Variants in ANKFN1 observed in about 807,000 individuals in gnomAD.
The protein encoded by ANKFN1 is ankyrin repeat and fibronectin type III domain containing 1, also known as ankyrin repeat and fibronectin type-III domain-containing protein 1.
ANKFN1 carries 74 observed loss-of-function variants against 108.7 expected under a neutral mutation model. That is an observed-to-expected ratio of 0.68 (90% CI 0.56 to 0.83). ANKFN1 has a LOEUF of 0.83. Among genes scored for constraint, ANKFN1 ranks in the 40% least tolerant of loss-of-function variants. The pLI is 0.00. For missense variants in ANKFN1, 1,505 were observed against 1,382.3 expected, an observed-to-expected ratio of 1.09 and a Z score of -1.41; for synonymous variants, 547 against 516.2, an observed-to-expected ratio of 1.06 and a Z score of -0.81.
At chr17:56,269,421 C>G (rs2043735452) in intron 3 of ANKFN1, among the ~76,000 whole-genome samples, 1 of 152,190 alleles carries the variant, frequency 6.6e-6, no homozygotes, top group South Asian at 2.1e-4. Context: ...GAGGAGTTGT[C>G]ACCCATTTTA....
chr17:56,326,236 C>T lies in ANKFN1; in HGVS notation c.69C>T (p.Phe23=), dbSNP rs146308617. 62 of 1,612,372 alleles carry T rather than the reference C, an allele frequency of 3.8e-5. No individual in the cohort carries two copies. Among genetic ancestry groups the T allele is most frequent in the African/African-American group, 5.3e-5 (4 of 74,822 alleles). ...CTTTACACAGAATAGGAAGGAGATTCGCTTGCTTTGCACAGAGGCTGAGCC... is the reference window on the plus strand; with the variant it reads ...CTTTACACAGAATAGGAAGGAGATTTGCTTGCTTTGCACAGAGGCTGAGCC... ...FTCSKIIGRR[F]ACFAQRLSHR... Residue 23 remains phenylalanine (F), a synonymous_variant, in exon 4 of 21, where the codon TTC becomes TTT. Coordinates refer to ENST00000682825, the MANE Select transcript of ANKFN1 (RefSeq NM_001370326.1).
At chr17:56,406,811 G>A (rs1489859996) in intron 8 of ANKFN1, among the ~76,000 whole-genome samples, 2 of 152,126 alleles carry the variant, frequency 1.3e-5, no homozygotes, top group African/African-American at 4.8e-5. Flanking sequence ...CATTTCAGAG[G>A]TAATTTCATG....
intron 8 of ANKFN1, among the ~76,000 whole-genome samples, chr17:56,418,834 G>A (rs1332940998): frequency 6.6e-6 from 1 of 151,770 alleles, no homozygotes; most frequent in African/African-American, 2.4e-5. Context: ...AAACCACAGA[G>A]AGTCCGAAGC....
At chr17:56,303,405 A>G (rs995900636) in intron 3 of ANKFN1, among the ~76,000 whole-genome samples, 61 of 152,232 alleles carry the variant, frequency 4.0e-4, no homozygotes, top group African/African-American at 1.3e-3. Flanking sequence ...TGGAGTAAAT[A>G]GTATGTACAA....
intron 15 of ANKFN1, among the ~76,000 whole-genome samples, chr17:56,467,840 AAGAAAG>A (rs1346284997): frequency 6.6e-5 from 2 of 30,378 alleles, no homozygotes; most frequent in Non-Finnish European, 1.3e-4. Context: ...GAAAGAAAGA[AAGAAAG>A]AAAGAAAAAG....
chr17:56,209,593 G>A (rs1396184533), intron 1 of ANKFN1, among the ~76,000 whole-genome samples: 1 of 152,178 alleles, frequency 6.6e-6, no homozygotes, highest in Non-Finnish European at 1.5e-5. Context: ...TCCTAAATCA[G>A]AGGTCATAAC....
intron 1 of ANKFN1, among the ~76,000 whole-genome samples, chr17:56,194,379 G>A (rs75684090): frequency 0.019 from 2,946 of 152,218 alleles, 93 homozygotes; most frequent in African/African-American, 0.068. Context: ...CCTTTAGTTT[G>A]TGAGTGGAAA....
In ANKFN1 at chr17:56,457,390, G is replaced by T. The variant is rs1219848397; in HGVS notation, c.1440+1G>T. ...ACAAGATTTTCTGTGGTTCACGAAG[G>T]TATACTAAGTTCTGATTTCATTTTT... On this transcript the variant is annotated splice_donor_variant, in intron 13 of 20. Coordinates refer to ENST00000682825, the MANE Select transcript of ANKFN1 (RefSeq NM_001370326.1). LOFTEE classifies it high-confidence loss of function. The T allele has an allele frequency of 1.9e-6, 3 of 1,581,512 alleles. No homozygotes were observed. The highest frequency in any genetic ancestry group is 8.5e-7 in the Non-Finnish European group (1 of 1,170,998).
intron 19 of ANKFN1, among the ~76,000 whole-genome samples, chr17:56,496,185 T>C (rs1406742152): frequency 6.6e-6 from 1 of 152,006 alleles, no homozygotes; most frequent in Non-Finnish European, 1.5e-5. Flanking sequence ...GGTTTTTAAG[T>C]TTTTTCTTCA....
chr17:56,320,261 T>C (rs1479495076), intron 3 of ANKFN1, among the ~76,000 whole-genome samples: 1 of 152,224 alleles, frequency 6.6e-6, no homozygotes, highest in African/African-American at 2.4e-5. Context: ...TCTGGTGAAC[T>C]CTTCCACATG....
intron 4 of ANKFN1, among the ~76,000 whole-genome samples, chr17:56,134,842 A>G (rs1189570261): frequency 6.6e-6 from 1 of 152,204 alleles, no homozygotes; most frequent in East Asian, 1.9e-4. Flanking sequence ...CCTCCATCTC[A>G]ATCAACTATT....
intron 4 of ANKFN1, among the ~76,000 whole-genome samples, chr17:56,046,527 C>T (rs1212549725): frequency 6.6e-6 from 1 of 151,888 alleles, no homozygotes; most frequent in Admixed American, 6.6e-5. Flanking sequence ...AAAAAAAAAT[C>T]AGCAGGTGGG....
At chr17:56,137,193 A>G (rs944142994) in intron 4 of ANKFN1, among the ~76,000 whole-genome samples, 2 of 152,208 alleles carry the variant, frequency 1.3e-5, no homozygotes, top group Non-Finnish European at 2.9e-5. Flanking sequence ...AGTGAAAATC[A>G]TAGGGGATTG....
At chr17:56,287,832 G>A (rs2044257040) in intron 3 of ANKFN1, among the ~76,000 whole-genome samples, 1 of 152,180 alleles carries the variant, frequency 6.6e-6, no homozygotes, top group Admixed American at 6.5e-5. Flanking sequence ...TCAAAAGGCT[G>A]AATATAGAGG....
intron 8 of ANKFN1, among the ~76,000 whole-genome samples, chr17:56,381,064 C>T (rs1043827907): frequency 7.2e-5 from 11 of 152,176 alleles, no homozygotes; most frequent in African/African-American, 1.2e-4. Context: ...ACACCTCAAA[C>T]GGCCGGGTAC....
chr17:56,383,189 A>T (rs1241645149), intron 8 of ANKFN1, among the ~76,000 whole-genome samples: 3 of 152,136 alleles, frequency 2.0e-5, no homozygotes, highest in South Asian at 2.1e-4. Flanking sequence ...TCAAAACCAG[A>T]CAACTACATG....
intron 3 of ANKFN1, chr17:56,257,871 C>T (rs905936666): frequency 5.3e-5 from 8 of 152,242 alleles, no homozygotes; most frequent in African/African-American, 1.9e-4. Flanking sequence ...AAGTCCTCTT[C>T]CCTCTCTCTA....
At chr17:56,055,315 A>T (rs1203034594) in intron 4 of ANKFN1, among the ~76,000 whole-genome samples, 1 of 151,764 alleles carries the variant, frequency 6.6e-6, no homozygotes, top group Non-Finnish European at 1.5e-5. Context: ...AAGTGTGAAC[A>T]TATGAGATAT....
intron 4 of ANKFN1, among the ~76,000 whole-genome samples, chr17:56,120,753 A>G (rs1346584492): frequency 1.3e-5 from 2 of 152,170 alleles, no homozygotes; most frequent in East Asian, 1.9e-4. Context: ...CCTTGAATTC[A>G]GGAGGTTTGA....
Sources: allele counts gnomAD v4.1 joint callset (sites outside exome capture counted in the v4.1 genomes callset), GRCh38; gene constraint gnomAD v4.1.1; transcripts MANE v1.5; gene names NCBI Gene and HGNC (gene_info 2026-07-23, HGNC 2026-07-21).